Variants in SSBP4 observed in about 807,000 individuals in gnomAD.
SSBP4 encodes the protein single stranded DNA binding protein 4.
SSBP4 carries 33 observed loss-of-function variants against 64.6 expected under a neutral mutation model. The ratio of observed to expected loss-of-function variants is 0.51; its 90% CI spans 0.39 to 0.68. The LOEUF is 0.68. SSBP4 is among the 30% of genes least tolerant of loss of function. The probability of loss-of-function intolerance (pLI) is 0.00; values close to 1 mark genes in which losing one functional copy is unlikely to be tolerated. For missense variants in SSBP4, 583 were observed against 566.8 expected (o/e 1.03, Z -0.29); for synonymous variants, 243 against 224.0 (o/e 1.08, Z -0.76).
Position 18,423,455 on chromosome 19 carries a change from G to A in SSBP4, c.59+3748G>A, listed in dbSNP as rs1382348705. Among the ~76,000 whole-genome samples the A allele has an allele frequency of 3.3e-5, 5 of 152,148 alleles. No homozygotes were observed. The highest frequency in any genetic ancestry group is 2.4e-5 in the African/African-American group (1 of 41,424). ...AGGGTTGGCAGAGGGGAGGGAGGAC[G>A]GCGAGGGTTGGAGGGTCAGGAGTGA... On this transcript the variant is annotated intron_variant, in intron 1 of 17. Coordinates refer to ENST00000270061, the MANE Select transcript of SSBP4 (RefSeq NM_032627.5). The surrounding 1 kb of genome is among the most constrained non-coding windows in gnomAD (Gnocchi z 4.0).
rs13346832 is a variant in SSBP4, at chr19:18,427,237, G to T, written c.60-114G>T. On this transcript the variant is annotated intron_variant, in intron 1 of 17. Transcript: ENST00000270061. The surrounding 1 kb of genome is among the most constrained non-coding windows in gnomAD (Gnocchi z 4.4). ...TGGATAACTATGAGCTGTCCCTGCT[G>T]AGCAGCTGGTGGGGAGGCCACCTTT... 1.9e-6 allele frequency: 2 copies of T among 1,042,850 alleles called. No individual in the cohort carries two copies. Among genetic ancestry groups the T allele is most frequent in the Admixed American group, 2.1e-5 (1 of 47,540 alleles). The allele number at this position is 1,042,850 out of a possible 1,614,324, so 64.6% of individuals were successfully genotyped here.
At chr19:18,431,290 C>T in intron 5 of SSBP4, 63 bp from the exon 6 acceptor site, 2 of 626,066 alleles carry the variant, frequency 3.2e-6, no homozygotes, top group Non-Finnish European at 5.7e-6. Flanking sequence ...GGAGCCCCTC[C>T]CCTCCTCAGC....
upstream of SSBP4, chr19:18,418,905 G>T: frequency 1.1e-6 from 1 of 941,048 alleles, no homozygotes; most frequent in Non-Finnish European, 1.3e-6. This position sits in a 1 kb window ranked among gnomAD's most constrained non-coding sequence, Gnocchi z 6.7. Flanking sequence ...GCCACTGTGA[G>T]CTGGGTGTGT....
chr19:18,404,672 C>T, the SSBP4 span, among the ~76,000 whole-genome samples: 2 of 149,318 alleles, frequency 1.3e-5, no homozygotes, highest in Admixed American at 1.3e-4. Flanking sequence ...GTGGGTGGAT[C>T]ACAAGGTCAG....
chr19:18,431,568 GC>G, intron 6 of SSBP4, 78 bp from the exon 7 acceptor site: 1 of 1,492,152 alleles, frequency 6.7e-7, no homozygotes, highest in Non-Finnish European at 9.0e-7. Context: ...CAGGTCGGGG[GC>G]CCCAGCATAG....
At chr19:18,413,147 G>GTT in the SSBP4 span, among the ~76,000 whole-genome samples, 671 of 114,528 alleles carry the variant, frequency 5.9e-3, 2 homozygotes, top group East Asian at 0.018. Context: ...TTTGGTTTGG[G>GTT]TTTTTTTTTT....
At position 18,430,940 on chromosome 19, in the gene SSBP4, C is replaced by A; in HGVS notation, c.369+10C>A. ...GGCTGGCTTCTTCCAGGTATGGCCC[C>A]GGCTGGAGTCCACTGGCCCCCAACT... is the stretch of plus-strand genomic sequence containing the variant. On this transcript the variant is annotated intron_variant, in intron 5 of 17. Transcript: ENST00000270061. 2 of 1,610,698 alleles carry A rather than the reference C, an allele frequency of 1.2e-6. No individual in the cohort carries two copies.
intron 4 of SSBP4, among the ~76,000 whole-genome samples, chr19:18,428,651 C>T (rs1212180816): frequency 6.6e-6 from 1 of 152,164 alleles, no homozygotes; most frequent in Non-Finnish European, 1.5e-5. Context: ...GGTGCCGGCT[C>T]TGCCGGTGGG....
At position 18,427,387 on chromosome 19, in the gene SSBP4, C is replaced by G. The variant is rs150017206; in HGVS notation, c.96C>G (p.Ile32Met). 16 of 1,610,984 alleles carry G rather than the reference C, an allele frequency of 9.9e-6. No homozygotes were observed. The South Asian group carries it at 1.4e-4, about 14-fold the overall frequency. Residue 32 changes from isoleucine to methionine, a missense_variant, in exon 2 of 18, where the codon ATC (isoleucine) becomes ATG (methionine). By Grantham distance (10) the Ile-to-Met change is conservative (BLOSUM62 1). Around this residue, in one of 5 missense-constraint regions of SSBP4, gnomAD observed 43 missense variants for 74.2 expected, o/e 0.58. Transcript: ENST00000270061. This position sits in a 1 kb window ranked among gnomAD's most constrained non-coding sequence, Gnocchi z 4.4. ...ALYVYEYLLHIGAQKSAQTFL... is the reference protein window; with the variant it reads ...ALYVYEYLLHMGAQKSAQTFL... The stretch of plus-strand genomic sequence containing the variant: ...ACGTTTATGAGTACCTGCTGCACAT[C>G]GGTGCCCAGAAGTCAGCCCAGACCT...
chr19:18,434,137 C>G (rs1227788309), intron 17 of SSBP4, 80 bp from the exon 18 acceptor site: 1 of 1,599,826 alleles, frequency 6.3e-7, no homozygotes, highest in Non-Finnish European at 8.5e-7. Flanking sequence ...GCCCTGTCCC[C>G]CATTGTCCCT....
intron 17 of SSBP4, 171 bp downstream of exon 17, chr19:18,433,988 C>T: frequency 8.5e-7 from 1 of 1,175,322 alleles, no homozygotes; most frequent in East Asian, 3.6e-5. Flanking sequence ...CCACCCCCCA[C>T]CACCTCCCGC....
chr19:18,434,378 C>T lies in SSBP4; in HGVS notation c.*132C>T. The stretch of plus-strand genomic sequence containing the variant: ...TCAAGGCTTGCCCAGCTGGGAGGCC[C>T]CACACGAAAGACTCTTACCATTTTA... On this transcript the variant is annotated 3_prime_UTR_variant, in exon 18 of 18. Coordinates refer to ENST00000270061, the MANE Select transcript of SSBP4 (RefSeq NM_032627.5). The T allele has an allele frequency of 1.4e-6, 2 of 1,447,336 alleles. No individual in the cohort carries two copies. Among genetic ancestry groups the T allele is most frequent in the Non-Finnish European group, 1.8e-6 (2 of 1,097,664 alleles). The allele number at this position is 1,447,336 out of a possible 1,614,324, so 89.7% of individuals were successfully genotyped here. A position where few individuals can be genotyped will look rare whatever the true frequency, so the allele number is the denominator to read the frequency against.
At chr19:18,415,717 G>T (rs922455891), upstream of SSBP4, among the ~76,000 whole-genome samples, 4 of 152,166 alleles carry the variant, frequency 2.6e-5, no homozygotes, top group African/African-American at 9.6e-5. Context: ...GTTCCAGGCG[G>T]CAGGAACCGC....
the SSBP4 span, among the ~76,000 whole-genome samples, chr19:18,409,188 T>TA: frequency 2.2e-5 from 1 of 45,612 alleles, no homozygotes; most frequent in Non-Finnish European, 3.6e-5. Flanking sequence ...GTGGCCATTC[T>TA]TTTTTTTTTT....
At chr19:18,409,017 T>C in the SSBP4 span, among the ~76,000 whole-genome samples, 1 of 151,944 alleles carries the variant, frequency 6.6e-6, no homozygotes, top group Admixed American at 6.6e-5. Flanking sequence ...TCTTGCTATG[T>C]TGCATAGGCT....
At chr19:18,428,043 TG>T in intron 4 of SSBP4, 61 bp downstream of exon 4, 1 of 496,720 alleles carries the variant, frequency 2.0e-6, no homozygotes, top group Non-Finnish European at 3.1e-6. Context: ...GGCCTGTGGC[TG>T]GGGAGGTGGG....
At chr19:18,405,116 G>A in the SSBP4 span, among the ~76,000 whole-genome samples, 2 of 152,002 alleles carry the variant, frequency 1.3e-5, no homozygotes, top group African/African-American at 4.8e-5. Context: ...CCCTGAGGTG[G>A]GTGATGCCAG....
intron 4 of SSBP4, among the ~76,000 whole-genome samples, chr19:18,429,973 G>A (rs1973210703): frequency 6.6e-6 from 1 of 152,218 alleles, no homozygotes; most frequent in South Asian, 2.1e-4. Flanking sequence ...GGCAGGAAAC[G>A]CTGTGTGACT....
chr19:18,407,359 C>T, the SSBP4 span, among the ~76,000 whole-genome samples: 1 of 151,568 alleles, frequency 6.6e-6, no homozygotes, highest in Non-Finnish European at 1.5e-5. Context: ...TTTTTAATAA[C>T]ATGAGAAGAC....
Sources: gnomAD v4.1 joint callset for allele counts (sites outside exome capture counted in the v4.1 genomes callset) on GRCh38, gnomAD v4.1.1 for gene constraint, gnomAD v4.1.1 regional missense constraint, Gnocchi (gnomAD v3.1) non-coding constraint, MANE v1.5 for transcripts, NCBI Gene and HGNC (gene_info 2026-07-23, HGNC 2026-07-21) for gene names.